The following FANCL variants were observed in gnomAD, a reference collection of about 807,000 sequenced individuals.
The protein encoded by FANCL is FA complementation group L, also known as E3 ubiquitin-protein ligase FANCL.
In FANCL, 69 loss-of-function variants were observed where a neutral mutation model predicts 59.4. The observed-to-expected ratio is 1.16, with a 90% CI of 0.96 to 1.42. The LOEUF is 1.42. Among genes scored for constraint, FANCL ranks in the 40% most tolerant of loss-of-function variants. The pLI, the probability that FANCL is intolerant of heterozygous loss-of-function variation, is 0.00. For synonymous variants in FANCL, 180 were observed against 147.1 expected (o/e 1.22, Z -1.62); for missense variants, 519 against 447.2 (o/e 1.16, Z -1.45).
At chr2:58,161,294 T>C (rs938418946) in intron 12 of FANCL, among the ~76,000 whole-genome samples, 5 of 151,954 alleles carry the variant, frequency 3.3e-5, no homozygotes, top group Non-Finnish European at 7.4e-5. Context: ...GAATATATTC[T>C]GGATAGATTT....
intron 5 of FANCL, among the ~76,000 whole-genome samples, chr2:58,205,851 GA>G (rs757419935): frequency 6.6e-6 from 1 of 151,944 alleles, no homozygotes; most frequent in Non-Finnish European, 1.5e-5. Flanking sequence ...AAAGGGGGAA[GA>G]AGAAACTTTA....
At chr2:58,203,176 G>T (rs1344817944) in intron 6 of FANCL, among the ~76,000 whole-genome samples, 2 of 151,410 alleles carry the variant, frequency 1.3e-5, no homozygotes, top group South Asian at 2.1e-4. Context: ...CTTAAAATTA[G>T]ACCTACATAC....
At chr2:58,162,786 G>T in intron 11 of FANCL, 80 bp downstream of exon 11, 1 of 1,238,304 alleles carries the variant, frequency 8.1e-7, no homozygotes, top group South Asian at 1.2e-5. Flanking sequence ...TCCTTTTTCA[G>T]CCTCATTTTT....
At chr2:58,172,765 C>G (rs1450977311) in intron 7 of FANCL, among the ~76,000 whole-genome samples, 1 of 152,182 alleles carries the variant, frequency 6.6e-6, no homozygotes, top group East Asian at 1.9e-4. Flanking sequence ...TCCTCACCAG[C>G]AATGGAACAA....
At chr2:58,217,152 T>G (rs1478852383) in intron 5 of FANCL, among the ~76,000 whole-genome samples, 1 of 88,536 alleles carries the variant, frequency 1.1e-5, no homozygotes, top group Non-Finnish European at 2.5e-5. Flanking sequence ...GATTTATATA[T>G]ATATTTATAT....
chr2:58,192,966 G>A (rs1573650720), intron 7 of FANCL, among the ~76,000 whole-genome samples: 1 of 151,786 alleles, frequency 6.6e-6, no homozygotes, highest in East Asian at 1.9e-4. Flanking sequence ...CCCACATCCT[G>A]ATGATCAACT....
intron 6 of FANCL, among the ~76,000 whole-genome samples, chr2:58,200,099 T>A (rs1365189338): frequency 6.7e-6 from 1 of 150,138 alleles, no homozygotes; most frequent in East Asian, 1.9e-4. Context: ...GTGGTCTACT[T>A]CTGGAAAAAA....
chr2:58,238,819 TA>T (rs1694256039), intron 1 of FANCL, among the ~76,000 whole-genome samples: 1 of 152,164 alleles, frequency 6.6e-6, no homozygotes, highest in African/African-American at 2.4e-5. Flanking sequence ...ATATAGCTTC[TA>T]AAAATGGTGG....
chr2:58,213,034 T>A (rs17049414), intron 5 of FANCL, among the ~76,000 whole-genome samples: 4,955 of 152,296 alleles, frequency 0.033, 301 homozygotes, highest in African/African-American at 0.11. Flanking sequence ...ATATGTAATT[T>A]AAAAACACAG....
intron 7 of FANCL, among the ~76,000 whole-genome samples, chr2:58,185,662 G>T (rs190721868): frequency 2.3e-4 from 35 of 152,238 alleles, no homozygotes; most frequent in East Asian, 1.3e-3. Flanking sequence ...TAAGGACAGG[G>T]TTGGTTATTC....
intron 1 of FANCL, among the ~76,000 whole-genome samples, chr2:58,236,212 A>G (rs1246131270): frequency 6.6e-5 from 10 of 152,038 alleles, no homozygotes; most frequent in Non-Finnish European, 8.8e-5. Context: ...ACTGAAACCA[A>G]TGACCAAAAA....
At chr2:58,160,686 T>C (rs892693057) in intron 12 of FANCL, among the ~76,000 whole-genome samples, 5 of 152,024 alleles carry the variant, frequency 3.3e-5, no homozygotes, top group Admixed American at 3.3e-4. Context: ...TAAATGAATA[T>C]TCATAATTAC....
In FANCL at chr2:58,221,981, G is replaced by A. The variant is rs756590256; in HGVS notation, c.335C>T (p.Ser112Leu). The A allele has an allele frequency of 1.3e-5, 21 of 1,613,326 alleles. No individual in the cohort carries two copies. In the East Asian group the frequency reaches 4.5e-4, roughly 34 times the overall value. Residue 112 changes from serine (S) to leucine (L), a missense_variant, in exon 5 of 14, where the codon TCA (serine) becomes TTA (leucine). By Grantham distance (145) the Ser-to-Leu change is moderately radical. Transcript: ENST00000233741. Reference sequence around the variant, plus strand: ...AGTTCCTATCTCTTCAATAAGGCTTGAGTAGAACTGGGGAGGAGGAGGTAG... The same window carrying A: ...AGTTCCTATCTCTTCAATAAGGCTTAAGTAGAACTGGGGAGGAGGAGGTAG... ...YALPPPPQFY[S>L]SLIEEIGTLG...
intron 6 of FANCL, among the ~76,000 whole-genome samples, chr2:58,201,380 AAAG>A (rs1690006135): frequency 6.6e-6 from 1 of 151,856 alleles, no homozygotes; most frequent in Non-Finnish European, 1.5e-5. Flanking sequence ...AACTAAAAAA[AAAG>A]ATTACATAAT....
intron 5 of FANCL, chr2:58,213,721 A>C (rs1691414912): frequency 7.4e-6 from 1 of 136,016 alleles, no homozygotes. Flanking sequence ...AAAAAGAAAA[A>C]AAAAAAAAAA....
At position 58,197,061 on chromosome 2, in the gene FANCL, T is replaced by G. The variant is rs574750839; in HGVS notation, c.540+1533A>C. Among the ~76,000 whole-genome samples the G allele has an allele frequency of 4.6e-5, 7 of 151,858 alleles. 1 individual carries two copies. The South Asian group carries it at 1.2e-3, about 27-fold the overall frequency. ...AAAAATCAACATAGTATTTTACTTA[T>G]AGCATACATCAAAATACCAAAAGCA... On this transcript the variant is annotated intron_variant, in intron 7 of 13. Transcript: ENST00000233741.
At chr2:58,194,202 CA>C (rs780911747) in intron 7 of FANCL, 1 of 470,938 alleles carries the variant, frequency 2.1e-6, no homozygotes, top group South Asian at 1.5e-5. Context: ...AATACTTCAC[CA>C]AGCCTGCACT....
intron 4 of FANCL, among the ~76,000 whole-genome samples, chr2:58,225,424 G>C (rs1214126404): frequency 6.6e-6 from 1 of 151,846 alleles, no homozygotes; most frequent in Non-Finnish European, 1.5e-5. Context: ...GCAGATGATG[G>C]AATTTTTAAA....
chr2:58,195,259 C>CA (rs1337820035), intron 7 of FANCL, among the ~76,000 whole-genome samples: 1 of 152,110 alleles, frequency 6.6e-6, no homozygotes, highest in Non-Finnish European at 1.5e-5. Flanking sequence ...CTAAAAGACT[C>CA]AGAGTTCACA....
Sources: allele counts gnomAD v4.1 joint callset (sites outside exome capture counted in the v4.1 genomes callset), GRCh38; gene constraint gnomAD v4.1.1; transcripts MANE v1.5; gene names NCBI Gene and HGNC (gene_info 2026-07-23, HGNC 2026-07-21).